Variants in ZNF680 observed in about 807,000 individuals in gnomAD.
The protein encoded by ZNF680 is zinc finger protein 680.
In ZNF680, 6 loss-of-function variants were observed where a neutral mutation model predicts 12.1. The ratio of observed to expected loss-of-function variants is 0.49; its 90% CI spans 0.27 to 0.98. The LOEUF is 0.98. ZNF680 is among the 50% of genes least tolerant of loss of function. The pLI is 0.12. For synonymous variants in ZNF680, 170 were observed against 199.3 expected, an observed-to-expected ratio of 0.85 and a Z score of 1.24; for missense variants, 561 against 616.3, an observed-to-expected ratio of 0.91 and a Z score of 0.95.
rs553117415 is a variant in ZNF680, at chr7:64,521,937, T to G, written c.817A>C (p.Lys273Gln). 6.2e-7 allele frequency: 1 copy of G among 1,613,160 alleles called. No homozygotes were observed. The highest frequency in any genetic ancestry group is 1.1e-5 in the South Asian group (1 of 91,030). ...EKPFKCEECG[K>Q]AFSLFSILSK... is the part of the protein sequence containing the mutation. ...AGGATTGAGAATAAACTAAAGGCTT[T>G]GCCACATTCTTCACATTTGAAGGGT... is the stretch of plus-strand genomic sequence containing the variant. The change falls in exon 4 of 4, where the codon AAA becomes CAA. Residue 273 changes from lysine (K) to glutamine (Q), a missense_variant. Transcript: ENST00000309683.
the ZNF680 span, among the ~76,000 whole-genome samples, chr7:64,508,147 A>T: frequency 4.4e-5 from 6 of 135,388 alleles, no homozygotes; most frequent in Non-Finnish European, 9.2e-5. Context: ...ATATATACAT[A>T]ATTTTTTTTT....
intron 1 of ZNF680, among the ~76,000 whole-genome samples, chr7:64,552,277 T>C (rs1463465451): frequency 6.6e-6 from 1 of 152,212 alleles, no homozygotes; most frequent in Non-Finnish European, 1.5e-5. Context: ...GGTCTCCAAC[T>C]CCTGACCTCA....
At chr7:64,530,447 TTAAAG>T (rs1251835477) in intron 3 of ZNF680, among the ~76,000 whole-genome samples, 5 of 151,934 alleles carry the variant, frequency 3.3e-5, no homozygotes, top group South Asian at 4.2e-4. Flanking sequence ...TCACATAAAA[TTAAAG>T]TAAAGGGGTG....
At chr7:64,543,886 CAT>C (rs1786639618) in intron 2 of ZNF680, 84 bp from the exon 3 acceptor site, 1 of 1,127,472 alleles carries the variant, frequency 8.9e-7, no homozygotes, top group Non-Finnish European at 1.3e-6. Context: ...AAGAGAATGT[CAT>C]AGCATATTCT....
chr7:64,501,137 G>A, the ZNF680 span: 1 of 930,752 alleles, frequency 1.1e-6, no homozygotes, highest in Non-Finnish European at 1.7e-6. Context: ...GCGATGTATG[G>A]GTCAGTAACA....
the ZNF680 span, among the ~76,000 whole-genome samples, chr7:64,503,209 TAATG>T: frequency 1.3e-5 from 2 of 151,982 alleles, no homozygotes; most frequent in Non-Finnish European, 2.9e-5. Flanking sequence ...TAGACAAAAA[TAATG>T]AACTATAATG....
Position 64,562,909 on chromosome 7 carries a change from C to T in ZNF680, c.30+16G>A, listed in dbSNP as rs1787825447. 1.2e-6 allele frequency: 2 copies of T among 1,613,372 alleles called. No individual in the cohort carries two copies. Among genetic ancestry groups the T allele is most frequent in the East Asian group, 2.2e-5 (1 of 44,870 alleles). On this transcript the variant is annotated intron_variant, in intron 1 of 3. Transcript: ENST00000309683. ...AGCCCCTCCCCCTCTCTCGGGGTGT[C>T]GGACCGCACTCTCACCATTTCTAGG...
the ZNF680 span, among the ~76,000 whole-genome samples, chr7:64,511,747 TAA>T: frequency 0.32 from 48,467 of 151,462 alleles, 8,801 homozygotes; most frequent in African/African-American, 0.48. Flanking sequence ...TTTTAATTAA[TAA>T]AAAAAAAAAT....
At chr7:64,504,167 CTTT>C in the ZNF680 span, among the ~76,000 whole-genome samples, 1 of 152,132 alleles carries the variant, frequency 6.6e-6, no homozygotes, top group Non-Finnish European at 1.5e-5. Context: ...ATACCAAATG[CTTT>C]TTATTAAAAG....
chr7:64,502,420 CATTT>C, the ZNF680 span, among the ~76,000 whole-genome samples: 1 of 152,138 alleles, frequency 6.6e-6, no homozygotes, highest in Non-Finnish European at 1.5e-5. Flanking sequence ...AAAGCAATCT[CATTT>C]AGTTGCATAG....
the ZNF680 span, among the ~76,000 whole-genome samples, chr7:64,514,470 G>A: frequency 1.1e-4 from 16 of 151,926 alleles, no homozygotes; most frequent in Admixed American, 7.2e-4. Context: ...TTCAAAAAAT[G>A]GTTTACAATT....
At chr7:64,555,623 C>T (rs1161589623) in intron 1 of ZNF680, among the ~76,000 whole-genome samples, 2 of 151,414 alleles carry the variant, frequency 1.3e-5, no homozygotes, top group Non-Finnish European at 2.9e-5. Flanking sequence ...CAAACCAACC[C>T]CTAAGCTAGG....
rs769394678 is a variant in ZNF680 at position 64,522,071 on chromosome 7, T to C, written c.683A>G (p.His228Arg). The change falls in exon 4 of 4, where the codon CAT becomes CGT. Residue 228 changes from histidine (H) to arginine (R), a missense_variant. His to Arg is a conservative substitution (Grantham distance 29). Coordinates refer to ENST00000309683, the MANE Select transcript of ZNF680 (RefSeq NM_178558.5). Reference sequence around the variant, plus strand: ...TTTCTCTCCCATATGAATTCCCTTATGTTTAATAAGCTCTGAGAACCAGTT... The same window carrying C: ...TTTCTCTCCCATATGAATTCCCTTACGTTTAATAAGCTCTGAGAACCAGTT... Reference protein sequence around the residue: ...VLNWFSELIKHKGIHMGEKPY... With the variant: ...VLNWFSELIKRKGIHMGEKPY... 1.9e-6 allele frequency: 3 copies of C among 1,612,918 alleles called. No individual in the cohort carries two copies. Among genetic ancestry groups the C allele is most frequent in the East Asian group, 2.2e-5 (1 of 44,816 alleles).
At chr7:64,541,157 T>C (rs1025335494) in intron 3 of ZNF680, among the ~76,000 whole-genome samples, 1 of 152,138 alleles carries the variant, frequency 6.6e-6, no homozygotes, top group African/African-American at 2.4e-5. Context: ...GTTATTTAGA[T>C]ATATGCTTAA....
intron 1 of ZNF680, among the ~76,000 whole-genome samples, chr7:64,562,629 C>G (rs915517474): frequency 6.6e-6 from 1 of 152,222 alleles, no homozygotes; most frequent in Non-Finnish European, 1.5e-5. Flanking sequence ...ATTTATGAAC[C>G]CTGCACCCCG....
chr7:64,526,567 A>C (rs562036595), intron 3 of ZNF680: 2 of 419,530 alleles, frequency 4.8e-6, no homozygotes, highest in Non-Finnish European at 4.2e-6. Flanking sequence ...ATTTAAAAAA[A>C]AAAAATGATG....
At chr7:64,554,362 C>G (rs1053481095) in intron 1 of ZNF680, among the ~76,000 whole-genome samples, 1 of 151,710 alleles carries the variant, frequency 6.6e-6, no homozygotes, top group Non-Finnish European at 1.5e-5. Flanking sequence ...CCGCCCCGTC[C>G]GGGAGGTGGG....
chr7:64,508,003 A>G, the ZNF680 span, among the ~76,000 whole-genome samples: 1 of 150,796 alleles, frequency 6.6e-6, no homozygotes, highest in Non-Finnish European at 1.5e-5. Flanking sequence ...AAAATAATAA[A>G]ATACTTTAAA....
In ZNF680 at chr7:64,520,017, A is replaced by C. The variant is rs1048999604; in HGVS notation, c.*1144T>G. On this transcript the variant is annotated 3_prime_UTR_variant, in exon 4 of 4. Transcript: ENST00000309683. ...AATTTAATTACATTTAATTTAAAGT[A>C]AAATTAAAAATGCTTTTCTCTATGA... The C allele has an allele frequency of 6.6e-6, 1 of 151,826 alleles. No individual in the cohort carries two copies. The highest frequency in any genetic ancestry group is 2.4e-5 in the African/African-American group (1 of 41,430). The allele number at this position is 151,826 out of a possible 1,614,324, so 9.4% of individuals were successfully genotyped here. A position where few individuals can be genotyped will look rare whatever the true frequency, so the allele number is the denominator to read the frequency against.
Sources: gnomAD v4.1 joint callset for allele counts (sites outside exome capture counted in the v4.1 genomes callset) on GRCh38, gnomAD v4.1.1 for gene constraint, MANE v1.5 for transcripts, NCBI Gene and HGNC (gene_info 2026-07-23, HGNC 2026-07-21) for gene names.